Variants in TMEM50A observed in about 807,000 individuals in gnomAD.
The protein encoded by TMEM50A is cervical cancer oncogene 9.
Under a neutral mutation model 23.9 loss-of-function variants are expected in TMEM50A, and 8 were observed. The observed-to-expected ratio is 0.33, with a 90% CI of 0.20 to 0.60. The LOEUF (loss-of-function observed/expected upper bound fraction) is 0.60. Ranked by LOEUF, TMEM50A falls within the 20% of genes least tolerant of loss-of-function variation. The pLI is 0.81. For missense variants in TMEM50A, 178 were observed against 192.7 expected, an observed-to-expected ratio of 0.92 and a Z score of 0.45; for synonymous variants, 55 against 60.4, an observed-to-expected ratio of 0.91 and a Z score of 0.41.
chr1:25,345,672 G>A (rs1645207249), intron 3 of TMEM50A, among the ~76,000 whole-genome samples: 4 of 151,502 alleles, frequency 2.6e-5, no homozygotes, highest in African/African-American at 9.7e-5. Flanking sequence ...CTTGAACCTG[G>A]GCAGCAGAGG....
intron 3 of TMEM50A, 96 bp downstream of exon 3, chr1:25,343,169 C>A: frequency 1.1e-6 from 1 of 877,938 alleles, no homozygotes; most frequent in Non-Finnish European, 1.7e-6. Flanking sequence ...TAAATATTAT[C>A]AGATTAACAC....
chr1:25,357,766 T>A (rs1037677731), intron 6 of TMEM50A, among the ~76,000 whole-genome samples: 1 of 151,868 alleles, frequency 6.6e-6, no homozygotes, highest in African/African-American at 2.4e-5. Context: ...GCCTCCCGTG[T>A]AGCTGGGACT....
chr1:25,357,562 T>TGTGTGTGTTG (rs397778370), intron 6 of TMEM50A, among the ~76,000 whole-genome samples: 6 of 132,016 alleles, frequency 4.5e-5, no homozygotes, highest in African/African-American at 1.9e-4. Context: ...TGTGTGTGTG[T>TGTGTGTGTTG]TGTGTGTGTG....
chr1:25,357,528 AGT>A (rs58801158), intron 6 of TMEM50A, among the ~76,000 whole-genome samples: 3,758 of 139,384 alleles, frequency 0.027, 66 homozygotes, highest in African/African-American at 0.052. Flanking sequence ...CTGCATCAGG[AGT>A]GTGTGTGTGT....
rs186601461 is a variant in TMEM50A at position 25,362,248 on chromosome 1, A to G, written c.*1543A>G. The G allele has an allele frequency of 1.7e-5, 11 of 650,420 alleles. No individual in the cohort carries two copies. The East Asian group carries it at 1.7e-4, about 10-fold the overall frequency. 40.3% of individuals were successfully genotyped at this position (650,420 alleles called of 1,614,324 possible). A position where few individuals can be genotyped will look rare whatever the true frequency, so the allele number is the denominator to read the frequency against. On this transcript the variant is annotated 3_prime_UTR_variant, in exon 7 of 7. Coordinates refer to ENST00000374358, the MANE Select transcript of TMEM50A (RefSeq NM_014313.4). ...TGAGAAAGAATCTTAAGAATTGTCA[A>G]TAAAATTAACCCAAAACTTTAATAA...
At chr1:25,357,547 G>C (rs931820930) in intron 6 of TMEM50A, among the ~76,000 whole-genome samples, 1 of 150,178 alleles carries the variant, frequency 6.7e-6, no homozygotes, top group African/African-American at 2.5e-5. Flanking sequence ...GTGTGTGTGT[G>C]TGTGTGTGTG....
intron 4 of TMEM50A, among the ~76,000 whole-genome samples, chr1:25,352,495 CAAAAA>C (rs766371248): frequency 6.8e-5 from 4 of 59,002 alleles, no homozygotes; most frequent in African/African-American, 2.0e-4. Flanking sequence ...GACTCTGCCT[CAAAAA>C]AAAAAAAAAA....
chr1:25,359,007 G>A (rs1645365892), intron 6 of TMEM50A, among the ~76,000 whole-genome samples: 1 of 152,134 alleles, frequency 6.6e-6, no homozygotes, highest in African/African-American at 2.4e-5. Flanking sequence ...TGCCCGCCTT[G>A]GCCTCCCAAA....
chr1:25,353,215 C>T (rs1645299149), intron 5 of TMEM50A, among the ~76,000 whole-genome samples: 1 of 152,186 alleles, frequency 6.6e-6, no homozygotes, highest in Non-Finnish European at 1.5e-5. Flanking sequence ...TGAGACAGCT[C>T]TAAACACTGC....
At chr1:25,340,233 G>T (rs750282746) in intron 1 of TMEM50A, among the ~76,000 whole-genome samples, 8 of 151,966 alleles carry the variant, frequency 5.3e-5, no homozygotes, top group Non-Finnish European at 1.0e-4. Context: ...ACCACGCCCG[G>T]CCCCCAAACC....
intron 6 of TMEM50A, among the ~76,000 whole-genome samples, chr1:25,357,609 A>AGTGTGTGTGTGTGTGT (rs60773283): frequency 6.3e-5 from 7 of 111,536 alleles, no homozygotes; most frequent in African/African-American, 2.5e-4. Flanking sequence ...TCTCTCACCC[A>AGTGTGTGTGTGTGTGT]GTGTGTGTGT....
intron 3 of TMEM50A, among the ~76,000 whole-genome samples, chr1:25,347,237 C>T (rs905964932): frequency 6.8e-6 from 1 of 146,964 alleles, no homozygotes; most frequent in African/African-American, 2.5e-5. Flanking sequence ...TTCTGTAGAC[C>T]TTTTTTTTTT....
At chr1:25,349,643 C>A (rs570192435) in intron 3 of TMEM50A, among the ~76,000 whole-genome samples, 1 of 151,474 alleles carries the variant, frequency 6.6e-6, no homozygotes, top group South Asian at 2.1e-4. Flanking sequence ...TTCATAGATA[C>A]AAGGTCTTAC....
chr1:25,342,288 T>C (rs1293655745), intron 2 of TMEM50A, among the ~76,000 whole-genome samples: 2 of 152,204 alleles, frequency 1.3e-5, no homozygotes, highest in African/African-American at 4.8e-5. Context: ...TGTCAGAATT[T>C]GGTTAATATA....
chr1:25,351,511 T>A (rs1416976229), intron 3 of TMEM50A, 115 bp from the exon 4 acceptor site: 73 of 583,698 alleles, frequency 1.3e-4, no homozygotes, highest in Middle Eastern at 3.3e-4. Flanking sequence ...CCTGTATCTT[T>A]AAAAAAAAAA....
At chr1:25,355,089 T>C (rs1390123974) in intron 5 of TMEM50A, among the ~76,000 whole-genome samples, 1 of 152,124 alleles carries the variant, frequency 6.6e-6, no homozygotes, top group Non-Finnish European at 1.5e-5. Context: ...TATTTTAAAA[T>C]GTATATATTT....
intron 1 of TMEM50A, among the ~76,000 whole-genome samples, chr1:25,338,984 G>T (rs1404666785): frequency 6.6e-6 from 1 of 152,166 alleles, no homozygotes; most frequent in East Asian, 1.9e-4. Context: ...AGTTCTTCCC[G>T]GGGAAGAATC....
At chr1:25,345,845 T>C (rs948954220) in intron 3 of TMEM50A, among the ~76,000 whole-genome samples, 3 of 151,360 alleles carry the variant, frequency 2.0e-5, no homozygotes, top group African/African-American at 7.3e-5. Flanking sequence ...TGGAGTGCAA[T>C]GGCATGATCT....
rs557633990 is a variant in TMEM50A, at chr1:25,343,480, G to A, written c.206+407G>A. Among the ~76,000 whole-genome samples the A allele has an allele frequency of 4.6e-5, 7 of 152,240 alleles. No homozygotes were observed. The East Asian group carries it at 1.4e-3, about 29-fold the overall frequency. On this transcript the variant is annotated intron_variant, in intron 3 of 6. Coordinates refer to ENST00000374358, the MANE Select transcript of TMEM50A (RefSeq NM_014313.4). ...TGTCTTTTTGTCATTTAAAATAAGTGCAAAGGAGAAAAAATAGAGAAAGGA... is the reference window on the plus strand; with the variant it reads ...TGTCTTTTTGTCATTTAAAATAAGTACAAAGGAGAAAAAATAGAGAAAGGA...
Sources: allele counts gnomAD v4.1 joint callset (sites outside exome capture counted in the v4.1 genomes callset), GRCh38; gene constraint gnomAD v4.1.1; transcripts MANE v1.5; gene names NCBI Gene and HGNC (gene_info 2026-07-23, HGNC 2026-07-21).